Variants in ESRRG observed in about 807,000 individuals in gnomAD.
ESRRG encodes estrogen related receptor gamma, also known as estrogen-related receptor gamma.
In ESRRG, 13 loss-of-function variants were observed where a neutral mutation model predicts 44.0. The observed-to-expected ratio is 0.30, with a 90% CI of 0.19 to 0.47. The LOEUF is 0.47. Among genes scored for constraint, ESRRG ranks in the 20% least tolerant of loss-of-function variants. The probability of loss-of-function intolerance (pLI) is 1.00; values close to 1 mark genes in which losing one functional copy is unlikely to be tolerated. For synonymous variants in ESRRG, 215 were observed against 214.6 expected, an observed-to-expected ratio of 1.00 and a Z score of -0.02; for missense variants, 395 against 580.6, an observed-to-expected ratio of 0.68 and a Z score of 3.29.
chr1:216,848,135 G>A (rs2095787672), intron 2 of ESRRG, among the ~76,000 whole-genome samples: 1 of 152,074 alleles, frequency 6.6e-6, no homozygotes, highest in Admixed American at 6.6e-5. Context: ...TGGGGTAATG[G>A]TGGGAGGTGA....
chr1:216,716,850 T>C (rs2084997260), intron 1 of ESRRG, among the ~76,000 whole-genome samples: 1 of 151,888 alleles, frequency 6.6e-6, no homozygotes, highest in East Asian at 1.9e-4. Context: ...TATTTCTAAT[T>C]GTTAGTGTTG....
chr1:216,595,920 G>A lies in ESRRG; in HGVS notation c.590-27822C>T, dbSNP rs936532264. Among the ~76,000 whole-genome samples the A allele has an allele frequency of 5.3e-5, 8 of 152,280 alleles. No individual in the cohort carries two copies. The South Asian group carries it at 8.3e-4, about 16-fold the overall frequency. On this transcript the variant is annotated intron_variant, in intron 3 of 6. Coordinates refer to ENST00000408911, the MANE Select transcript of ESRRG (RefSeq NM_001438.4). ...GTTGGGTGTTTTTAGCAGTGTAGAAGAAAAGACAAGGGTTTATTGCCATGT... is the reference window on the plus strand; with the variant it reads ...GTTGGGTGTTTTTAGCAGTGTAGAAAAAAAGACAAGGGTTTATTGCCATGT...
At chr1:216,875,268 T>A (rs1308946620) in intron 2 of ESRRG, among the ~76,000 whole-genome samples, 1 of 152,158 alleles carries the variant, frequency 6.6e-6, no homozygotes, top group East Asian at 1.9e-4. Context: ...AGTGCACAGA[T>A]CTTGCTTTTA....
At chr1:216,817,778 C>T (rs943280383) in intron 2 of ESRRG, among the ~76,000 whole-genome samples, 1 of 152,196 alleles carries the variant, frequency 6.6e-6, no homozygotes, top group Non-Finnish European at 1.5e-5. Flanking sequence ...CTATCAAGTG[C>T]TTGATACACA....
rs555671733 is a variant in ESRRG, at chr1:216,612,329, C to T, written c.589+38644G>A. Among the ~76,000 whole-genome samples the T allele has an allele frequency of 8.6e-5, 13 of 151,268 alleles. No homozygotes were observed. In the South Asian group the frequency reaches 2.7e-3, roughly 32 times the overall value. ...AATAATCCTAACATTTACTGTTGCC[C>T]AACCAGGAAGGAAGACAAGGGAGGA... On this transcript the variant is annotated intron_variant, in intron 3 of 6. Transcript: ENST00000408911.
chr1:216,516,121 A>G (rs958931243), intron 6 of ESRRG, among the ~76,000 whole-genome samples: 7 of 152,224 alleles, frequency 4.6e-5, no homozygotes, highest in Admixed American at 2.0e-4. Context: ...TTGCACAGAG[A>G]TATATCAGAG....
At chr1:216,869,279 T>A (rs895630541) in intron 2 of ESRRG, among the ~76,000 whole-genome samples, 2 of 152,134 alleles carry the variant, frequency 1.3e-5, no homozygotes, top group South Asian at 4.1e-4. Context: ...GTTTAACTTT[T>A]TCCCCCTGTT....
intron 2 of ESRRG, among the ~76,000 whole-genome samples, chr1:216,735,917 G>T (rs1360721625): frequency 1.3e-5 from 2 of 149,822 alleles, no homozygotes; most frequent in Admixed American, 1.3e-4. Flanking sequence ...AGCAGAGGTT[G>T]CAGGGAGCTG....
intron 2 of ESRRG, among the ~76,000 whole-genome samples, chr1:216,811,672 A>T (rs759124132): frequency 1.2e-4 from 18 of 152,162 alleles, no homozygotes; most frequent in Admixed American, 1.3e-4. Context: ...GCCACTTACT[A>T]CCGGAGAACA....
chr1:216,830,533 A>G (rs2095471306), intron 2 of ESRRG, among the ~76,000 whole-genome samples: 1 of 152,120 alleles, frequency 6.6e-6, no homozygotes, highest in African/African-American at 2.4e-5. Context: ...TGAGGTAATG[A>G]CTTCTAGGAA....
At chr1:216,710,925 A>T (rs1177687170) in intron 1 of ESRRG, among the ~76,000 whole-genome samples, 1 of 152,206 alleles carries the variant, frequency 6.6e-6, no homozygotes, top group Non-Finnish European at 1.5e-5. Flanking sequence ...TGACAGTGGG[A>T]CCAGGCAGAG....
At chr1:217,051,551 C>T (rs1406556479) in intron 1 of ESRRG, among the ~76,000 whole-genome samples, 1 of 152,144 alleles carries the variant, frequency 6.6e-6, no homozygotes, top group African/African-American at 2.4e-5. Flanking sequence ...TCAATGCACC[C>T]CACTGGCATG....
chr1:217,002,932 C>A (rs2077233912), intron 1 of ESRRG, among the ~76,000 whole-genome samples: 1 of 152,110 alleles, frequency 6.6e-6, no homozygotes, highest in Non-Finnish European at 1.5e-5. Flanking sequence ...AATTTCCAAT[C>A]AACAGAAATC....
intron 1 of ESRRG, among the ~76,000 whole-genome samples, chr1:217,087,776 A>G (rs1444068910): frequency 1.3e-5 from 2 of 152,214 alleles, no homozygotes; most frequent in Admixed American, 6.5e-5. Context: ...TTGCTTTAGT[A>G]AGAATAACAA....
intron 1 of ESRRG, among the ~76,000 whole-genome samples, chr1:216,707,071 T>C (rs1559335562): frequency 6.6e-6 from 1 of 152,192 alleles, no homozygotes; most frequent in Admixed American, 6.5e-5. Flanking sequence ...GGTTTTCTTA[T>C]AAAAACTACT....
intron 2 of ESRRG, among the ~76,000 whole-genome samples, chr1:216,660,372 G>C (rs887308658): frequency 6.6e-6 from 1 of 152,144 alleles, no homozygotes; most frequent in Non-Finnish European, 1.5e-5. Flanking sequence ...GGTACTCTTT[G>C]ATGTGCTTTA....
chr1:216,999,741 T>TTTTG (rs2076792876), intron 1 of ESRRG, among the ~76,000 whole-genome samples: 2 of 152,034 alleles, frequency 1.3e-5, no homozygotes, highest in Non-Finnish European at 2.9e-5. Flanking sequence ...GTATTTTTGT[T>TTTTG]TTTGTTTTTG....
At chr1:216,995,104 T>G (rs774085130) in intron 1 of ESRRG, among the ~76,000 whole-genome samples, 20 of 152,212 alleles carry the variant, frequency 1.3e-4, no homozygotes, top group Non-Finnish European at 2.1e-4. Context: ...TCTTCTGAAA[T>G]AGAACCTTTC....
At chr1:216,529,876 C>A (rs149727480) in intron 5 of ESRRG, among the ~76,000 whole-genome samples, 1 of 151,868 alleles carries the variant, frequency 6.6e-6, no homozygotes, top group Non-Finnish European at 1.5e-5. Flanking sequence ...CTTTGGGAGG[C>A]CCAGGTGAGT....
Sources: gnomAD v4.1 joint callset for allele counts (sites outside exome capture counted in the v4.1 genomes callset) on GRCh38, gnomAD v4.1.1 for gene constraint, MANE v1.5 for transcripts, NCBI Gene and HGNC (gene_info 2026-07-23, HGNC 2026-07-21) for gene names.